CSMD3: variants seen among roughly 807,000 people sequenced by gnomAD.
CSMD3 encodes the protein CUB and sushi domain-containing protein 3.
CSMD3 carries 177 observed loss-of-function variants against 435.2 expected under a neutral mutation model. That is an observed-to-expected ratio of 0.41 (90% confidence interval 0.36 to 0.46). The LOEUF (loss-of-function observed/expected upper bound fraction) is 0.46. Among genes scored for constraint, CSMD3 ranks in the 20% least tolerant of loss-of-function variants. The pLI is 0.34. For missense variants in CSMD3, 4,265 were observed against 4,504.6 expected (o/e 0.95, Z 1.52); for synonymous variants, 1,656 against 1,520.5 (o/e 1.09, Z -2.07).
intron 13 of CSMD3, among the ~76,000 whole-genome samples, chr8:112,721,562 C>T (rs890732521): frequency 2.6e-5 from 4 of 151,958 alleles, no homozygotes; most frequent in Non-Finnish European, 4.4e-5. Flanking sequence ...GGTGACAGAA[C>T]GAAAGAGAAG....
chr8:112,687,654 C>T (rs2076041461), intron 14 of CSMD3, among the ~76,000 whole-genome samples: 1 of 151,962 alleles, frequency 6.6e-6, no homozygotes. Flanking sequence ...TACTTTGAAT[C>T]TATTTATTTT....
At chr8:113,215,647 T>C (rs1239504669) in intron 3 of CSMD3, among the ~76,000 whole-genome samples, 2 of 151,942 alleles carry the variant, frequency 1.3e-5, no homozygotes, top group Non-Finnish European at 1.5e-5. Flanking sequence ...AATTTCACAC[T>C]AAAATTAAGT....
At chr8:113,225,888 G>A (rs1041401182) in intron 3 of CSMD3, among the ~76,000 whole-genome samples, 7 of 151,384 alleles carry the variant, frequency 4.6e-5, no homozygotes, top group African/African-American at 1.7e-4. Context: ...GTTGAAGAAC[G>A]GACCTCATGG....
intron 3 of CSMD3, among the ~76,000 whole-genome samples, chr8:113,220,696 T>A (rs1183500932): frequency 6.6e-6 from 1 of 151,384 alleles, no homozygotes; most frequent in Non-Finnish European, 1.5e-5. Context: ...ATCTAGGAGC[T>A]TTTTAAGAGC....
At chr8:112,840,042 T>A (rs982564158) in intron 11 of CSMD3, among the ~76,000 whole-genome samples, 3 of 151,696 alleles carry the variant, frequency 2.0e-5, no homozygotes, top group African/African-American at 4.8e-5. Flanking sequence ...TCAGTTTATA[T>A]CTGTGGAAGG....
chr8:112,872,753 T>C (rs2081172358), intron 10 of CSMD3, among the ~76,000 whole-genome samples: 1 of 151,900 alleles, frequency 6.6e-6, no homozygotes, highest in Non-Finnish European at 1.5e-5. Context: ...ATGCTTTTCA[T>C]AAAAATAAAA....
At chr8:112,422,355 G>A (rs1812613110) in intron 32 of CSMD3, among the ~76,000 whole-genome samples, 1 of 152,142 alleles carries the variant, frequency 6.6e-6, no homozygotes, top group Non-Finnish European at 1.5e-5. Flanking sequence ...TATATAAAAT[G>A]TGTTCTGAAT....
chr8:112,548,993 T>C (rs187086429), intron 27 of CSMD3, among the ~76,000 whole-genome samples: 63 of 152,182 alleles, frequency 4.1e-4, no homozygotes, highest in Admixed American at 2.7e-3. Flanking sequence ...ACAATAAAAA[T>C]TCCCAGAAAT....
At chr8:112,301,180 A>T (rs1820886614) in intron 53 of CSMD3, among the ~76,000 whole-genome samples, 1 of 152,066 alleles carries the variant, frequency 6.6e-6, no homozygotes, top group African/African-American at 2.4e-5. Context: ...AAAGGAGATA[A>T]AGCATAAAAT....
chr8:113,390,875 C>T (rs1428551368), intron 1 of CSMD3, among the ~76,000 whole-genome samples: 1 of 151,950 alleles, frequency 6.6e-6, no homozygotes, highest in Non-Finnish European at 1.5e-5. Context: ...TCAGACCCTA[C>T]ATCTTGAAAA....
rs147796435 is a variant in CSMD3 at position 112,560,882 on chromosome 8, T to C, written c.4043-3928A>G. On this transcript the variant is annotated intron_variant, in intron 24 of 70. Transcript: ENST00000297405. ...CATTCAAGATGCAATGTATTTTGAGTTTTACCATATATCATTTCTCAAAAT... is the reference window on the plus strand; with the variant it reads ...CATTCAAGATGCAATGTATTTTGAGCTTTACCATATATCATTTCTCAAAAT... Among the ~76,000 whole-genome samples, 57 of 151,788 alleles carry C rather than the reference T, an allele frequency of 3.8e-4. 1 individual carries two copies. In the East Asian group the frequency reaches 0.011, roughly 29 times the overall value.
At chr8:112,448,233 C>T (rs981241965) in intron 32 of CSMD3, among the ~76,000 whole-genome samples, 1 of 152,160 alleles carries the variant, frequency 6.6e-6, no homozygotes, top group Non-Finnish European at 1.5e-5. Context: ...GCCTCTTCCT[C>T]TTTTCATAAG....
chr8:113,300,718 A>C (rs1052244807), intron 2 of CSMD3, among the ~76,000 whole-genome samples: 1 of 152,116 alleles, frequency 6.6e-6, no homozygotes, highest in Non-Finnish European at 1.5e-5. Flanking sequence ...ATATAGGCTG[A>C]AAAACTACCT....
chr8:112,619,710 A>C (rs1313408430), intron 22 of CSMD3, among the ~76,000 whole-genome samples: 1 of 152,068 alleles, frequency 6.6e-6, no homozygotes, highest in African/African-American at 2.4e-5. Flanking sequence ...ACCCAAAGGC[A>C]TCACTCTACT....
intron 24 of CSMD3, among the ~76,000 whole-genome samples, chr8:112,559,832 G>A (rs1340824005): frequency 1.3e-5 from 2 of 151,660 alleles, no homozygotes; most frequent in African/African-American, 4.8e-5. Context: ...ATACACCAAG[G>A]ACAATTAGGT....
At chr8:112,690,587 A>ACC (rs5894099) in intron 13 of CSMD3, among the ~76,000 whole-genome samples, 207 of 131,192 alleles carry the variant, frequency 1.6e-3, no homozygotes, top group African/African-American at 5.4e-3. Flanking sequence ...TCCCAACTAG[A>ACC]CCCCCCCCCC....
intron 32 of CSMD3, among the ~76,000 whole-genome samples, chr8:112,437,531 T>A (rs1352995): frequency 0.2 from 30,841 of 151,996 alleles, 3,810 homozygotes; most frequent in East Asian, 0.39. Context: ...AGCATGGGAA[T>A]TCCATGTGAC....
At chr8:112,753,267 G>A (rs2077616129) in intron 13 of CSMD3, among the ~76,000 whole-genome samples, 1 of 152,088 alleles carries the variant, frequency 6.6e-6, no homozygotes, top group Admixed American at 6.5e-5. Flanking sequence ...TTACTTTTGG[G>A]CAAAGGGTTG....
intron 13 of CSMD3, among the ~76,000 whole-genome samples, chr8:112,722,485 CCCTA>C (rs1225696681): frequency 6.6e-6 from 1 of 152,026 alleles, no homozygotes; most frequent in African/African-American, 2.4e-5. Flanking sequence ...GGTATTTGCA[CCCTA>C]CTTTCAAATT....
Sources: gnomAD v4.1 joint callset for allele counts (sites outside exome capture counted in the v4.1 genomes callset) on GRCh38, gnomAD v4.1.1 for gene constraint, MANE v1.5 for transcripts, NCBI Gene and HGNC (gene_info 2026-07-23, HGNC 2026-07-21) for gene names.